The following MKLN1 variants were observed in gnomAD, a reference collection of about 807,000 sequenced individuals.
MKLN1 encodes the protein muskelin.
In MKLN1, 18 loss-of-function variants were observed where a neutral mutation model predicts 99.0. The ratio of observed to expected loss-of-function variants is 0.18; its 90% CI spans 0.13 to 0.27. The LOEUF is 0.27. MKLN1 is among the 10% of genes least tolerant of loss of function. The pLI is 1.00. For missense variants in MKLN1, 621 were observed against 875.9 expected (o/e 0.71, Z 3.67); for synonymous variants, 288 against 293.2 (o/e 0.98, Z 0.18).
intron 9 of MKLN1, among the ~76,000 whole-genome samples, chr7:131,434,868 T>G (rs1189755019): frequency 6.6e-6 from 1 of 152,202 alleles, no homozygotes; most frequent in East Asian, 1.9e-4. Context: ...TTTATTTTAT[T>G]TTTTAATGCC....
At chr7:131,115,650 C>A (rs1201149776) in intron 1 of MKLN1, among the ~76,000 whole-genome samples, 2 of 152,160 alleles carry the variant, frequency 1.3e-5, no homozygotes, top group Non-Finnish European at 2.9e-5. Flanking sequence ...TACGGCATCC[C>A]CGACCACCTC....
At chr7:131,190,129 T>G (rs2116380368) in intron 2 of MKLN1, among the ~76,000 whole-genome samples, 1 of 152,172 alleles carries the variant, frequency 6.6e-6, no homozygotes, top group South Asian at 2.1e-4. Flanking sequence ...CCCTTAAGGA[T>G]TTCTTAAAAA....
rs149766112 is a variant in MKLN1, at chr7:131,145,176, T to A, written c.-297+2235T>A. ...AAAGAATTACAAATAGGTTGGAGGA[T>A]ACAATCAGATTCTCTCCCCACCCCC... On this transcript the variant is annotated intron_variant, in intron 2 of 7. Coordinates refer to the MKLN1 transcript ENST00000416992. Among the ~76,000 whole-genome samples the A allele has an allele frequency of 3.7e-3, 567 of 152,320 alleles. 4 individuals carry two copies. The highest frequency in any genetic ancestry group is 0.013 in the African/African-American group (534 of 41,576).
At chr7:131,461,097 A>G (rs1176909003) in intron 12 of MKLN1, among the ~76,000 whole-genome samples, 1 of 152,160 alleles carries the variant, frequency 6.6e-6, no homozygotes, top group Non-Finnish European at 1.5e-5. Flanking sequence ...GATATGGTGT[A>G]ACCTACGCAC....
upstream of MKLN1, among the ~76,000 whole-genome samples, chr7:131,322,952 G>T (rs1156479126): frequency 2.0e-5 from 3 of 152,184 alleles, no homozygotes; most frequent in Non-Finnish European, 4.4e-5. Flanking sequence ...CTGCCTCCAT[G>T]ATCCAATCAT....
At chr7:131,143,194 C>T (rs146975415) in intron 2 of MKLN1, among the ~76,000 whole-genome samples, 117 of 152,228 alleles carry the variant, frequency 7.7e-4, no homozygotes, top group African/African-American at 2.7e-3. Flanking sequence ...TTTGGCTGGG[C>T]GCAGTGGCTC....
intron 3 of MKLN1, among the ~76,000 whole-genome samples, chr7:131,240,568 T>C (rs1270413975): frequency 3.3e-5 from 5 of 152,204 alleles, no homozygotes; most frequent in Admixed American, 2.6e-4. Context: ...GATGGAGATA[T>C]TAGTTGGCAA....
rs376847138 is a variant in MKLN1, at chr7:131,277,237, CA to C, written c.-179+74264del. On this transcript the variant is annotated intron_variant, in intron 3 of 7. Coordinates refer to the MKLN1 transcript ENST00000416992. Reference sequence around the variant, plus strand: ...AAAGAAAACCTAATGTTTGATAGATCAGTAGGATGATCTGTATTGTAAACTA... The same window carrying C: ...AAAGAAAACCTAATGTTTGATAGATCGTAGGATGATCTGTATTGTAAACTA... Among the ~76,000 whole-genome samples, 62 of 150,982 alleles carry C rather than the reference CA, an allele frequency of 4.1e-4. No homozygotes were observed. The East Asian group carries it at 8.0e-3, about 19-fold the overall frequency.
intron 8 of MKLN1, among the ~76,000 whole-genome samples, chr7:131,419,376 G>A (rs1340317536): frequency 2.0e-5 from 3 of 149,308 alleles, no homozygotes; most frequent in Non-Finnish European, 4.4e-5. Flanking sequence ...TCAGCCTCCC[G>A]AGTAGCTGGG....
At chr7:131,297,628 C>T (rs1167476885) in intron 3 of MKLN1, among the ~76,000 whole-genome samples, 1 of 152,132 alleles carries the variant, frequency 6.6e-6, no homozygotes, top group Non-Finnish European at 1.5e-5. Context: ...TCATGTATTA[C>T]TTTTACAATG....
At chr7:131,411,255 ATAATG>A (rs755409763) in intron 6 of MKLN1, 46 bp from the exon 7 acceptor site, 21 of 1,111,828 alleles carry the variant, frequency 1.9e-5, no homozygotes, top group Non-Finnish European at 2.5e-5. Flanking sequence ...TCTATAATAA[ATAATG>A]TAAGTAGTTA....
chr7:131,329,032 G>C (rs1233531611), intron 1 of MKLN1, among the ~76,000 whole-genome samples: 7 of 152,094 alleles, frequency 4.6e-5, no homozygotes, highest in African/African-American at 1.2e-4. Context: ...CATCTCACAG[G>C]ACCGAAACGA....
chr7:131,392,349 C>G (rs1740171432), intron 4 of MKLN1, among the ~76,000 whole-genome samples: 1 of 152,106 alleles, frequency 6.6e-6, no homozygotes, highest in Non-Finnish European at 1.5e-5. Context: ...AGCATGAAAT[C>G]TGAGCATGAA....
At chr7:131,115,361 C>T (rs1384090033) in intron 1 of MKLN1, among the ~76,000 whole-genome samples, 1 of 152,130 alleles carries the variant, frequency 6.6e-6, no homozygotes, top group Non-Finnish European at 1.5e-5. Flanking sequence ...TCAACTTTAC[C>T]TCCAAAACAT....
chr7:131,332,680 T>G (rs531767902), intron 1 of MKLN1, among the ~76,000 whole-genome samples: 28 of 152,116 alleles, frequency 1.8e-4, no homozygotes, highest in African/African-American at 6.3e-4. Context: ...TGTTGTCCTG[T>G]TTGCTGTTCT....
At chr7:131,278,863 G>A (rs1798011040) in intron 3 of MKLN1, among the ~76,000 whole-genome samples, 1 of 152,152 alleles carries the variant, frequency 6.6e-6, no homozygotes, top group Non-Finnish European at 1.5e-5. Context: ...GCCTCCCAAA[G>A]TGCTGAATTA....
At position 131,487,752 on chromosome 7, in the gene MKLN1, A is replaced by G. The variant is rs1797322682; in HGVS notation, c.*24A>G. 1.9e-6 allele frequency: 3 copies of G among 1,605,450 alleles called. No homozygotes were observed. In the Middle Eastern group the frequency reaches 5.0e-4, roughly 267 times the overall value. Reference sequence around the variant, plus strand: ...AACTGAAGAGTCACTGGACACAGAAATGGAAAACAGGAGTCGATTTTCCGT... The same window carrying G: ...AACTGAAGAGTCACTGGACACAGAAGTGGAAAACAGGAGTCGATTTTCCGT... On this transcript the variant is annotated 3_prime_UTR_variant, in exon 18 of 18. Transcript: ENST00000352689. The surrounding 1 kb of genome is among the most constrained non-coding windows in gnomAD (Gnocchi z 4.7).
intron 2 of MKLN1, among the ~76,000 whole-genome samples, chr7:131,167,683 A>AAAAT (rs1554531219): frequency 2.6e-5 from 4 of 151,872 alleles, no homozygotes; most frequent in African/African-American, 9.7e-5. Flanking sequence ...AAAAAAAAAA[A>AAAAT]AAATAATGTG....
chr7:131,442,898 A>G (rs775131552), intron 10 of MKLN1, among the ~76,000 whole-genome samples: 8 of 152,250 alleles, frequency 5.3e-5, no homozygotes, highest in Non-Finnish European at 1.0e-4. Context: ...AGAAAATTAA[A>G]TAGTGCTATG....
Sources: allele counts gnomAD v4.1 joint callset (sites outside exome capture counted in the v4.1 genomes callset), GRCh38; gene constraint gnomAD v4.1.1; non-coding constraint Gnocchi (gnomAD v3.1); transcripts MANE v1.5; gene names NCBI Gene and HGNC (gene_info 2026-07-23, HGNC 2026-07-21).